Variants in GABRG3 observed in about 807,000 individuals in gnomAD.
GABRG3 encodes gamma-aminobutyric acid receptor subunit gamma-3.
Under a neutral mutation model 48.8 loss-of-function variants are expected in GABRG3, and 25 were observed. The observed-to-expected ratio is 0.51, with a 90% CI of 0.37 to 0.72. The LOEUF is 0.72. Among genes scored for constraint, GABRG3 ranks in the 30% least tolerant of loss-of-function variants. GABRG3 has a pLI of 0.00. For missense variants in GABRG3, 394 were observed against 577.9 expected (o/e 0.68, Z 3.26); for synonymous variants, 227 against 217.6 (o/e 1.04, Z -0.38).
intron 6 of GABRG3, among the ~76,000 whole-genome samples, chr15:27,488,802 G>T (rs1890278456): frequency 6.6e-6 from 1 of 151,972 alleles, no homozygotes; most frequent in South Asian, 2.1e-4. Flanking sequence ...ATATTGTTTT[G>T]ATATTTTAGT....
At chr15:27,135,944 CA>C (rs762473424) in intron 3 of GABRG3, among the ~76,000 whole-genome samples, 1 of 151,950 alleles carries the variant, frequency 6.6e-6, no homozygotes, top group Non-Finnish European at 1.5e-5. Context: ...AACAAAACAA[CA>C]AAAAAGAGAG....
At chr15:27,508,641 T>C (rs2150857377) in intron 6 of GABRG3, among the ~76,000 whole-genome samples, 1 of 152,318 alleles carries the variant, frequency 6.6e-6, no homozygotes. Flanking sequence ...TTCCTTTCCA[T>C]TTCTCGTTGA....
At chr15:27,035,579 G>A (rs1896162622) in intron 3 of GABRG3, among the ~76,000 whole-genome samples, 1 of 152,120 alleles carries the variant, frequency 6.6e-6, no homozygotes, top group Admixed American at 6.5e-5. Context: ...GGGCTGTTGG[G>A]TTGGGCCCCC....
In GABRG3 at chr15:27,115,612, A is replaced by G. The variant is rs531181145; in HGVS notation, c.270+88791A>G. 2.4e-4 allele frequency among the ~76,000 whole-genome samples: 36 copies of G among 152,298 alleles called. 1 individual carries two copies. The South Asian group carries it at 5.4e-3, about 23-fold the overall frequency. On this transcript the variant is annotated intron_variant, in intron 3 of 9. Transcript: ENST00000615808. ...CATGCCTTTACTAGGTGCTAAGACT[A>G]TGCAGGTACATTTCTTATTTCAGTC...
chr15:27,145,700 T>C (rs886969367), intron 3 of GABRG3, among the ~76,000 whole-genome samples: 3 of 129,370 alleles, frequency 2.3e-5, no homozygotes, highest in African/African-American at 8.0e-5. Flanking sequence ...AGAATTAATA[T>C]TTGAAAAAAT....
intron 4 of GABRG3, among the ~76,000 whole-genome samples, chr15:27,327,693 G>A (rs553470789): frequency 4.6e-5 from 7 of 152,220 alleles, no homozygotes; most frequent in African/African-American, 9.6e-5. Flanking sequence ...TCCTCTGAGC[G>A]GGTGGTGCTG....
At chr15:27,173,937 A>T (rs1343469597) in intron 3 of GABRG3, among the ~76,000 whole-genome samples, 3 of 152,170 alleles carry the variant, frequency 2.0e-5, no homozygotes, top group Admixed American at 6.6e-5. Context: ...AGAAAACAGT[A>T]TAATAAAACT....
At chr15:27,323,917 C>A (rs1173025251) in intron 3 of GABRG3, among the ~76,000 whole-genome samples, 1 of 152,168 alleles carries the variant, frequency 6.6e-6, no homozygotes, top group Non-Finnish European at 1.5e-5. Flanking sequence ...GTGAGCAGGT[C>A]CCACATGGGC....
chr15:27,446,113 T>A (rs1888937240), intron 5 of GABRG3, among the ~76,000 whole-genome samples: 1 of 152,234 alleles, frequency 6.6e-6, no homozygotes. Flanking sequence ...TTTCTTTGTT[T>A]TAGCTATTCT....
chr15:27,307,870 A>AAATAAAC lies in GABRG3; in HGVS notation c.271-18938_271-18937insATAAACA, dbSNP rs1218732567. ...ACATGTTTATATATAAATATATATA[A>AAATAAAC]ATGTATATGTTTATATATAAAATAT... On this transcript the variant is annotated intron_variant, in intron 3 of 9. Coordinates refer to ENST00000615808, the MANE Select transcript of GABRG3 (RefSeq NM_033223.5). 9.4e-3 allele frequency among the ~76,000 whole-genome samples: 1,262 copies of AAATAAAC among 134,964 alleles called. 34 individuals carry two copies. Among genetic ancestry groups the AAATAAAC allele is most frequent in the East Asian group, 0.045 (204 of 4,550 alleles). The allele number at this position is 134,964 out of a possible 152,430, so 88.5% of individuals were successfully genotyped here.
chr15:27,146,435 T>A (rs1357913929), intron 3 of GABRG3, among the ~76,000 whole-genome samples: 1 of 152,104 alleles, frequency 6.6e-6, no homozygotes, highest in African/African-American at 2.4e-5. Flanking sequence ...CCAGCCTGCG[T>A]GACACGGTGA....
intron 5 of GABRG3, among the ~76,000 whole-genome samples, chr15:27,467,163 G>A (rs893829596): frequency 1.3e-5 from 2 of 152,128 alleles, no homozygotes; most frequent in African/African-American, 2.4e-5. Context: ...CCTCTTCCTG[G>A]CCTGCAGATG....
At chr15:27,449,868 T>C (rs1889057112) in intron 5 of GABRG3, among the ~76,000 whole-genome samples, 1 of 152,242 alleles carries the variant, frequency 6.6e-6, no homozygotes, top group Admixed American at 6.5e-5. Flanking sequence ...AAATGCTTGC[T>C]GCACTCTCTC....
chr15:27,404,853 G>A (rs553275277), intron 5 of GABRG3, among the ~76,000 whole-genome samples: 5 of 152,330 alleles, frequency 3.3e-5, no homozygotes, highest in South Asian at 2.1e-4. Flanking sequence ...TGTCTCAGCC[G>A]TGTGGGATGC....
chr15:27,359,455 T>A (rs2140544744), intron 5 of GABRG3, among the ~76,000 whole-genome samples: 1 of 152,348 alleles, frequency 6.6e-6, no homozygotes. Context: ...AGAAGAGATA[T>A]ATTTATTCAG....
intron 6 of GABRG3, among the ~76,000 whole-genome samples, chr15:27,494,814 A>G (rs1169864749): frequency 1.3e-5 from 2 of 152,032 alleles, no homozygotes. Context: ...CTTCTATATC[A>G]TTCTGAGTCA....
chr15:27,381,207 T>C (rs1342302164), intron 5 of GABRG3, among the ~76,000 whole-genome samples: 1 of 152,200 alleles, frequency 6.6e-6, no homozygotes, highest in Non-Finnish European at 1.5e-5. Context: ...TGTTTCTCTT[T>C]CTCCAACTTG....
chr15:27,177,680 T>C (rs1425813272), intron 3 of GABRG3, among the ~76,000 whole-genome samples: 2 of 152,216 alleles, frequency 1.3e-5, no homozygotes, highest in African/African-American at 2.4e-5. Context: ...GCTGTTATAA[T>C]TTTTACAAAG....
chr15:27,035,356 A>G (rs892253687), intron 3 of GABRG3, among the ~76,000 whole-genome samples: 2 of 152,232 alleles, frequency 1.3e-5, no homozygotes, highest in African/African-American at 2.4e-5. Context: ...GGTAATCATG[A>G]TAAGACACCG....
Sources: allele counts gnomAD v4.1 joint callset (sites outside exome capture counted in the v4.1 genomes callset), GRCh38; gene constraint gnomAD v4.1.1; transcripts MANE v1.5; gene names NCBI Gene and HGNC (gene_info 2026-07-23, HGNC 2026-07-21).